Variants in DEPDC5 observed in about 807,000 individuals in gnomAD.
DEPDC5 encodes the protein GATOR1 complex protein DEPDC5.
In DEPDC5, 73 loss-of-function variants were observed where a neutral mutation model predicts 217.3. The observed-to-expected ratio is 0.34, with a 90% confidence interval of 0.28 to 0.41. DEPDC5 has a LOEUF of 0.41. DEPDC5 is among the 10% of genes least tolerant of loss of function. The probability of loss-of-function intolerance (pLI) is 1.00; values close to 1 mark genes in which losing one functional copy is unlikely to be tolerated. For missense variants in DEPDC5, 1,675 were observed against 2,070.1 expected (o/e 0.81, Z 3.70); for synonymous variants, 733 against 756.7 (o/e 0.97, Z 0.51).
At chr22:31,768,041 G>A (rs1601662584) in intron 6 of DEPDC5, among the ~76,000 whole-genome samples, 1 of 151,062 alleles carries the variant, frequency 6.6e-6, no homozygotes, top group African/African-American at 2.4e-5. Flanking sequence ...CAGTGCACCC[G>A]GCCCCATTTT....
At chr22:31,763,196 G>C (rs1008877559) in intron 4 of DEPDC5, among the ~76,000 whole-genome samples, 1 of 151,998 alleles carries the variant, frequency 6.6e-6, no homozygotes. Context: ...TCACTATGTT[G>C]TCCAGGCTAG....
chr22:31,798,548 G>C, intron 13 of DEPDC5, 34 bp from the exon 14 acceptor site: 8 of 1,577,762 alleles, frequency 5.1e-6, no homozygotes, highest in Non-Finnish European at 6.9e-6. Flanking sequence ...TGTTTCATGA[G>C]ATGTTTTTCT....
intron 24 of DEPDC5, among the ~76,000 whole-genome samples, chr22:31,824,143 C>A (rs893687536): frequency 6.6e-6 from 1 of 152,040 alleles, no homozygotes; most frequent in Non-Finnish European, 1.5e-5. Context: ...GTCAGAAGTT[C>A]GAGACCAGCC....
intron 40 of DEPDC5, among the ~76,000 whole-genome samples, chr22:31,899,195 A>G (rs2093605779): frequency 6.6e-6 from 1 of 152,210 alleles, no homozygotes. Context: ...CCATGGTTAC[A>G]GCTGCAGAAA....
Position 31,857,499 on chromosome 22 carries a change from A to C in DEPDC5, c.3210A>C (p.Ser1070=). 1 of 1,612,692 alleles carries C rather than the reference A, an allele frequency of 6.2e-7. No homozygotes were observed. The highest frequency in any genetic ancestry group is 8.5e-7 in the Non-Finnish European group (1 of 1,179,474). The change falls in exon 32 of 43, where the codon TCA becomes TCC. Residue 1070 remains serine, a synonymous_variant. Transcript: ENST00000651528. ...ATGGTGGGAAGAGCTCCGCCCAGTC[A>C]GCCGAGAGCAGCAGCGTTGCCATGA... is the stretch of plus-strand genomic sequence containing the variant. ...AVHGGKSSAQ[S]AESSSVAMTP... is the part of the protein sequence containing the mutation.
At position 31,802,775 on chromosome 22, in the gene DEPDC5, G is replaced by A; in HGVS notation, c.1018G>A (p.Val340Met). The A allele has an allele frequency of 6.2e-7, 1 of 1,606,368 alleles. No homozygotes were observed. Among genetic ancestry groups the A allele is most frequent in the Non-Finnish European group, 8.5e-7 (1 of 1,176,774 alleles). ...GATGTCAGTGGTGATCACGCCCGGG[G>A]TGGGTGTCTTTGAAGTGGACCGCCT... Reference protein sequence around the residue: ...GQMSVVITPGVGVFEVDRLLM... With the variant: ...GQMSVVITPGMGVFEVDRLLM... The change falls in exon 15 of 43, where the codon GTG becomes ATG. Residue 340 changes from valine to methionine, a missense_variant. This residue lies in a region of DEPDC5 where 628 missense variants were observed against 762.1 expected (regional missense o/e 0.82). Transcript: ENST00000651528.
chr22:31,815,852 T>A, intron 21 of DEPDC5: 1 of 1,128,382 alleles, frequency 8.9e-7, no homozygotes, highest in East Asian at 5.0e-5. Context: ...TACTATTTTT[T>A]GTTTAGCCTT....
chr22:31,798,730 C>G, intron 14 of DEPDC5, 74 bp downstream of exon 14: 1 of 1,448,106 alleles, frequency 6.9e-7, no homozygotes, highest in Non-Finnish European at 9.5e-7. Context: ...GTGTCCTGAT[C>G]CAGACCCTAA....
intron 24 of DEPDC5, 186 bp downstream of exon 24, chr22:31,822,976 T>A (rs1471450373): frequency 1.7e-6 from 1 of 576,168 alleles, no homozygotes; most frequent in Non-Finnish European, 3.1e-6. Flanking sequence ...CGTTAACATT[T>A]TTAGCTCAGA....
chr22:31,883,349 G>T (rs2093226969), intron 38 of DEPDC5, among the ~76,000 whole-genome samples: 1 of 152,122 alleles, frequency 6.6e-6, no homozygotes, highest in African/African-American at 2.4e-5. Context: ...CAGAACTTTG[G>T]GGTAGGATGA....
chr22:31,759,384 T>A (rs28785000), intron 3 of DEPDC5, among the ~76,000 whole-genome samples: 19 of 49,088 alleles, frequency 3.9e-4, no homozygotes, highest in African/African-American at 1.1e-3. Flanking sequence ...TTTTTTTTTG[T>A]TTTTTTTGAG....
intron 7 of DEPDC5, among the ~76,000 whole-genome samples, chr22:31,774,225 C>T (rs1353482275): frequency 2.1e-5 from 3 of 144,110 alleles, no homozygotes; most frequent in Admixed American, 7.0e-5. Context: ...TTTTTTGAGA[C>T]GAGTCTCACT....
At chr22:31,767,302 G>A (rs1474423798) in intron 6 of DEPDC5, among the ~76,000 whole-genome samples, 2 of 151,682 alleles carry the variant, frequency 1.3e-5, no homozygotes, top group Admixed American at 6.6e-5. Context: ...CACCATGCCC[G>A]GCTAATTTTT....
chr22:31,813,679 C>CTATATATATATATATA (rs58384211), intron 20 of DEPDC5, among the ~76,000 whole-genome samples: 1 of 144,504 alleles, frequency 6.9e-6, no homozygotes, highest in African/African-American at 2.5e-5. Flanking sequence ...TTTAATAAGG[C>CTATATATATATATATA]TATATATATA....
chr22:31,887,483 G>A (rs1237992497), intron 38 of DEPDC5, among the ~76,000 whole-genome samples: 1 of 150,548 alleles, frequency 6.6e-6, no homozygotes, highest in Non-Finnish European at 1.5e-5. Context: ...TTGGGAAGAA[G>A]AGAGGGTTTA....
At position 31,846,865 on chromosome 22, in the gene DEPDC5, C is replaced by T; in HGVS notation, c.3053C>T (p.Thr1018Ile). 1 of 1,614,218 alleles carries T rather than the reference C, an allele frequency of 6.2e-7. No homozygotes were observed. The highest frequency in any genetic ancestry group is 8.5e-7 in the Non-Finnish European group (1 of 1,180,046). Residue 1018 changes from threonine to isoleucine, a missense_variant, in exon 31 of 43, where the codon ACT becomes ATT. By Grantham distance (89) the Thr-to-Ile change is moderately conservative. Transcript: ENST00000651528. ...ACCGCCATGAAAGGCTTGCAGATGA[C>T]TGGGCCCATTTCCACGCATTCTCTG... ...KGTAMKGLQM[T>I]GPISTHSLES...
chr22:31,764,559 G>A (rs955610418), intron 4 of DEPDC5, among the ~76,000 whole-genome samples: 2 of 151,958 alleles, frequency 1.3e-5, no homozygotes, highest in African/African-American at 4.8e-5. Flanking sequence ...TGGATTACAG[G>A]CGCCCACCAT....
chr22:31,798,523 A>G (rs570686595), intron 13 of DEPDC5, 59 bp from the exon 14 acceptor site: 1 of 1,152,384 alleles, frequency 8.7e-7, no homozygotes, highest in Non-Finnish European at 1.2e-6. Flanking sequence ...GTTTAAAATT[A>G]AAAAAAAAAG....
chr22:31,756,042 T>A (rs1024011723), intron 2 of DEPDC5, among the ~76,000 whole-genome samples: 1 of 149,960 alleles, frequency 6.7e-6, no homozygotes, highest in Non-Finnish European at 1.5e-5. Flanking sequence ...CTGGCTATTT[T>A]TTTTTTTTTT....
Sources: gnomAD v4.1 joint callset for allele counts (sites outside exome capture counted in the v4.1 genomes callset) on GRCh38, gnomAD v4.1.1 for gene constraint, gnomAD v4.1.1 regional missense constraint, MANE v1.5 for transcripts, NCBI Gene and HGNC (gene_info 2026-07-23, HGNC 2026-07-21) for gene names.